AASDH: variants seen among roughly 807,000 people sequenced by gnomAD.
The protein encoded by AASDH is beta-alanine-activating enzyme.
Under a neutral mutation model 102.3 loss-of-function variants are expected in AASDH, and 81 were observed. That is an observed-to-expected ratio of 0.79 (90% confidence interval 0.66 to 0.95). AASDH has a LOEUF of 0.95. AASDH is among the 40% of genes least tolerant of loss of function. The pLI is 0.00. For synonymous variants in AASDH, 398 were observed against 454.0 expected, an observed-to-expected ratio of 0.88 and a Z score of 1.57; for missense variants, 1,203 against 1,266.2, an observed-to-expected ratio of 0.95 and a Z score of 0.76.
At chr4:56,352,695 C>CTGCA (rs914299532) in intron 9 of AASDH, among the ~76,000 whole-genome samples, 4 of 152,198 alleles carry the variant, frequency 2.6e-5, no homozygotes, top group Non-Finnish European at 2.9e-5. Flanking sequence ...CGCCCCTGGC[C>CTGCA]TGCACCCTTT....
At chr4:56,372,526 C>T (rs1366292736) in intron 4 of AASDH, among the ~76,000 whole-genome samples, 1 of 152,184 alleles carries the variant, frequency 6.6e-6, no homozygotes, top group Non-Finnish European at 1.5e-5. Flanking sequence ...CATGGATAGT[C>T]ATTGTGGAGC....
chr4:56,338,826 C>T (rs1465077662), intron 14 of AASDH, 35 bp from the exon 15 acceptor site: 2 of 1,571,024 alleles, frequency 1.3e-6, no homozygotes, highest in South Asian at 1.1e-5. Context: ...ATAATTCATT[C>T]ATCTAATTGC....
chr4:56,351,861 G>A (rs1749050827), intron 9 of AASDH, among the ~76,000 whole-genome samples: 1 of 150,008 alleles, frequency 6.7e-6, no homozygotes, highest in African/African-American at 2.5e-5. Flanking sequence ...CTGCAGTAGT[G>A]AGCCCTGACT....
intron 5 of AASDH, among the ~76,000 whole-genome samples, chr4:56,361,792 G>A (rs1750330033): frequency 6.6e-6 from 1 of 152,036 alleles, no homozygotes; most frequent in Non-Finnish European, 1.5e-5. Flanking sequence ...GCAACACAGG[G>A]AGACCCTGTC....
chr4:56,369,963 A>C (rs200227432), intron 5 of AASDH, among the ~76,000 whole-genome samples: 1 of 150,394 alleles, frequency 6.6e-6, no homozygotes, highest in East Asian at 2.0e-4. Context: ...AAAAAAAAAA[A>C]CAGACAATGG....
At chr4:56,363,875 T>C (rs1750651231) in intron 5 of AASDH, among the ~76,000 whole-genome samples, 1 of 152,154 alleles carries the variant, frequency 6.6e-6, no homozygotes, top group Non-Finnish European at 1.5e-5. Context: ...GGACAGAGAA[T>C]GACTTTGACA....
At chr4:56,343,772 T>C (rs1747990763) in intron 12 of AASDH, 88 bp from the exon 13 acceptor site, 1 of 1,303,442 alleles carries the variant, frequency 7.7e-7, no homozygotes, top group South Asian at 1.8e-5. Context: ...GTCTGTTTAG[T>C]TAATATAAGT....
At chr4:56,339,568 T>G (rs985185449) in intron 14 of AASDH, among the ~76,000 whole-genome samples, 2 of 151,450 alleles carry the variant, frequency 1.3e-5, no homozygotes, top group African/African-American at 4.8e-5. Flanking sequence ...TTGGCCAACA[T>G]GGTGAAACCC....
chr4:56,374,202 A>G (rs952638376), intron 4 of AASDH, among the ~76,000 whole-genome samples: 1 of 152,066 alleles, frequency 6.6e-6, no homozygotes, highest in East Asian at 1.9e-4. Context: ...AAGATGGTGA[A>G]ACCCTGTCTC....
intron 5 of AASDH, among the ~76,000 whole-genome samples, chr4:56,369,975 A>T (rs1157664664): frequency 6.6e-6 from 1 of 151,866 alleles, no homozygotes; most frequent in Non-Finnish European, 1.5e-5. Context: ...AGACAATGGA[A>T]ACTAATAATT....
intron 1 of AASDH, among the ~76,000 whole-genome samples, 185 bp downstream of exon 1, chr4:56,387,177 G>C (rs1011973676): frequency 6.6e-6 from 1 of 152,164 alleles, no homozygotes; most frequent in African/African-American, 2.4e-5. Context: ...AGTGACGCAG[G>C]AGTGTACACA....
Position 56,347,681 on chromosome 4 carries a change from C to G in AASDH, c.2488+1582G>C, listed in dbSNP as rs1487961399. ...CTTTGGGAGGCTGAGGTGGGCAGATCGCTTGAGCCCGGGAGTTTGAGACCA... is the reference window on the plus strand; with the variant it reads ...CTTTGGGAGGCTGAGGTGGGCAGATGGCTTGAGCCCGGGAGTTTGAGACCA... On this transcript the variant is annotated intron_variant, in intron 11 of 14. Coordinates refer to ENST00000205214, the MANE Select transcript of AASDH (RefSeq NM_181806.4). Among the ~76,000 whole-genome samples the G allele has an allele frequency of 2.0e-5, 3 of 152,228 alleles. No homozygotes were observed. The East Asian group carries it at 5.8e-4, about 29-fold the overall frequency.
chr4:56,353,298 T>C, intron 9 of AASDH, 106 bp downstream of exon 9: 1 of 953,450 alleles, frequency 1.0e-6, no homozygotes, highest in Non-Finnish European at 1.5e-6. Flanking sequence ...TCACAATAAA[T>C]GCTAGTACCA....
At chr4:56,376,682 A>C in intron 4 of AASDH, among the ~76,000 whole-genome samples, 1 of 152,254 alleles carries the variant, frequency 6.6e-6, no homozygotes, top group East Asian at 1.9e-4. Flanking sequence ...TGATTAGCAT[A>C]AAAAATGCAA....
chr4:56,340,724 CAG>C (rs2109837268), intron 14 of AASDH, among the ~76,000 whole-genome samples: 1 of 152,232 alleles, frequency 6.6e-6, no homozygotes, highest in East Asian at 1.9e-4. Flanking sequence ...AAGGAAACAA[CAG>C]AGTGAAGAGA....
intron 10 of AASDH, among the ~76,000 whole-genome samples, chr4:56,351,104 G>A (rs748856428): frequency 4.6e-5 from 7 of 152,132 alleles, no homozygotes; most frequent in Non-Finnish European, 1.0e-4. Flanking sequence ...GTCTACTTGT[G>A]CCTTTTATGA....
chr4:56,370,505 G>A (rs1010385070), intron 5 of AASDH, among the ~76,000 whole-genome samples: 6 of 152,170 alleles, frequency 3.9e-5, no homozygotes, highest in Admixed American at 1.3e-4. Context: ...GGTCATGCAG[G>A]CAGAGACCTC....
chr4:56,352,106 A>C (rs1291242060), intron 9 of AASDH, among the ~76,000 whole-genome samples: 1 of 152,130 alleles, frequency 6.6e-6, no homozygotes, highest in Non-Finnish European at 1.5e-5. Context: ...TTTGAAGTCA[A>C]ACAGTCCTAG....
At chr4:56,349,152 C>A in intron 11 of AASDH, 111 bp downstream of exon 11, 1 of 1,175,870 alleles carries the variant, frequency 8.5e-7, no homozygotes, top group South Asian at 1.6e-5. Context: ...AATTTTTGGA[C>A]AGCAACCAAA....
Sources: allele counts gnomAD v4.1 joint callset (sites outside exome capture counted in the v4.1 genomes callset), GRCh38; gene constraint gnomAD v4.1.1; transcripts MANE v1.5; gene names NCBI Gene and HGNC (gene_info 2026-07-23, HGNC 2026-07-21).